DYTN: variants seen among roughly 807,000 people sequenced by gnomAD.
DYTN encodes dystrotelin.
In DYTN, 75 loss-of-function variants were observed where a neutral mutation model predicts 69.6. That is an observed-to-expected ratio of 1.08 (90% CI 0.89 to 1.31). The LOEUF (loss-of-function observed/expected upper bound fraction) is 1.31, where lower values mean the gene tolerates loss of function less well. Among genes scored for constraint, DYTN ranks in the 50% most tolerant of loss-of-function variants. The pLI is 0.00. For missense variants in DYTN, 726 were observed against 688.4 expected (o/e 1.05, Z -0.61); for synonymous variants, 252 against 249.1 (o/e 1.01, Z -0.11).
intron 7 of DYTN, 43 bp from the exon 8 acceptor site, chr2:206,694,920 G>GACA: frequency 1.3e-6 from 1 of 788,954 alleles, no homozygotes; most frequent in East Asian, 3.6e-5. Flanking sequence ...ACTAGTAGAT[G>GACA]AGAAAAAAAA....
At chr2:206,683,257 A>G (rs1325205826) in intron 9 of DYTN, among the ~76,000 whole-genome samples, 2 of 151,234 alleles carry the variant, frequency 1.3e-5, no homozygotes, top group South Asian at 2.1e-4. Context: ...CAATCCTCCA[A>G]TGTTTCCCCA....
Position 206,704,875 on chromosome 2 carries a change from C to A in DYTN, c.451G>T (p.Val151Phe). 6.2e-7 allele frequency: 1 copy of A among 1,613,612 alleles called. No homozygotes were observed. Among genetic ancestry groups the A allele is most frequent in the Non-Finnish European group, 8.5e-7 (1 of 1,179,792 alleles). The change falls in exon 5 of 12, where the codon GTT (valine) becomes TTT (phenylalanine). Residue 151 changes from valine (V) to phenylalanine (F), a missense_variant. Physicochemically the swap from Val to Phe is conservative, Grantham distance 50. Transcript: ENST00000452335. Reference protein sequence around the residue: ...YDSGPRMTRRVLRKLLTDLQQ... With the variant: ...YDSGPRMTRRFLRKLLTDLQQ... ...AGATCTGTTAGTAGTTTTCTCAAAA[C>A]CCTTCGAGTCATGCGTGGCCCAGAA... is the stretch of plus-strand genomic sequence containing the variant.
intron 9 of DYTN, among the ~76,000 whole-genome samples, chr2:206,672,450 T>C (rs772591337): frequency 4.6e-5 from 7 of 152,214 alleles, no homozygotes; most frequent in Admixed American, 6.5e-5. Flanking sequence ...TAGCTCCTTA[T>C]TTGTCCTCAT....
chr2:206,714,251 G>T (rs1183538488), intron 1 of DYTN, among the ~76,000 whole-genome samples: 3 of 152,152 alleles, frequency 2.0e-5, no homozygotes, highest in African/African-American at 7.2e-5. Flanking sequence ...CTGTCACCCA[G>T]GCTGGAGTGC....
intron 9 of DYTN, chr2:206,686,975 G>T: frequency 6.4e-6 from 1 of 157,016 alleles, no homozygotes. Flanking sequence ...AAATTCACCG[G>T]CCTTTGTCAA....
chr2:206,677,089 G>A (rs375128968), intron 9 of DYTN, among the ~76,000 whole-genome samples: 2 of 152,062 alleles, frequency 1.3e-5, no homozygotes, highest in Non-Finnish European at 2.9e-5. Flanking sequence ...TGGGATTACC[G>A]GAGTGTGCCA....
At chr2:206,717,897 C>A (rs2105904723) in intron 1 of DYTN, among the ~76,000 whole-genome samples, 1 of 152,250 alleles carries the variant, frequency 6.6e-6, no homozygotes, top group Non-Finnish European at 1.5e-5. Flanking sequence ...GTACTGTGAA[C>A]TTACCTATGA....
intron 7 of DYTN, among the ~76,000 whole-genome samples, chr2:206,696,810 A>G (rs1310072127): frequency 1.3e-5 from 2 of 152,180 alleles, no homozygotes; most frequent in African/African-American, 4.8e-5. Context: ...CACCATTACT[A>G]CTTATAGTAG....
chr2:206,660,062 A>G (rs911062007), intron 11 of DYTN, among the ~76,000 whole-genome samples: 2 of 152,166 alleles, frequency 1.3e-5, no homozygotes, highest in Non-Finnish European at 2.9e-5. Context: ...TCATAAGCAC[A>G]TTTATATAAT....
chr2:206,699,831 G>A lies in DYTN; in HGVS notation c.615C>T (p.Pro205=), dbSNP rs533246228. The change falls in exon 7 of 12, where the codon CCC becomes CCT. Residue 205 remains proline, a synonymous_variant. Transcript: ENST00000452335. Reference sequence around the variant, plus strand: ...GGCAGGTCGGGAGCCACAGGAGGATGGGAGGCTCAGATTGGACCCAAGACA... The same window carrying A: ...GGCAGGTCGGGAGCCACAGGAGGATAGGAGGCTCAGATTGGACCCAAGACA... The part of the protein sequence containing the change: ...KFLSWVQSEP[P]ILLWLPTCHR... The A allele has an allele frequency of 1.7e-4, 282 of 1,613,868 alleles. 2 individuals are homozygous for A. In the Admixed American group the frequency reaches 3.0e-3, roughly 17 times the overall value.
intron 9 of DYTN, among the ~76,000 whole-genome samples, chr2:206,682,135 T>A (rs1226554524): frequency 6.6e-6 from 1 of 152,064 alleles, no homozygotes; most frequent in African/African-American, 2.4e-5. Context: ...AATTTTTCCA[T>A]TTTTTTCTAG....
chr2:206,660,665 G>C (rs1699502411), intron 11 of DYTN, among the ~76,000 whole-genome samples: 1 of 152,198 alleles, frequency 6.6e-6, no homozygotes, highest in South Asian at 2.1e-4. Context: ...GTGGAATTTT[G>C]CGTCAGCTTA....
At chr2:206,661,271 A>G (rs975106610) in intron 11 of DYTN, among the ~76,000 whole-genome samples, 8 of 152,238 alleles carry the variant, frequency 5.3e-5, no homozygotes, top group African/African-American at 1.9e-4. Flanking sequence ...TTACTGTGTT[A>G]TAGCAGCCCC....
chr2:206,677,825 T>C (rs1699706922), intron 9 of DYTN, among the ~76,000 whole-genome samples: 1 of 152,050 alleles, frequency 6.6e-6, no homozygotes. Flanking sequence ...ACCCCGTCTC[T>C]ACTAAAAATA....
At chr2:206,680,458 T>G (rs1699738827) in intron 9 of DYTN, among the ~76,000 whole-genome samples, 1 of 152,292 alleles carries the variant, frequency 6.6e-6, no homozygotes, top group South Asian at 2.1e-4. Flanking sequence ...CAATATGTAT[T>G]TTAAATGTTT....
At chr2:206,711,979 C>A (rs1331332561) in intron 1 of DYTN, among the ~76,000 whole-genome samples, 1 of 146,362 alleles carries the variant, frequency 6.8e-6, no homozygotes. Context: ...AGTAGATCTC[C>A]CCATTTAGTC....
At chr2:206,664,492 A>G (rs914047060) in intron 10 of DYTN, among the ~76,000 whole-genome samples, 1 of 151,936 alleles carries the variant, frequency 6.6e-6, no homozygotes, top group Non-Finnish European at 1.5e-5. Context: ...CCCCCTCCCT[A>G]CAAAAAATAA....
chr2:206,673,507 C>T (rs767708677), intron 9 of DYTN, among the ~76,000 whole-genome samples: 1 of 152,178 alleles, frequency 6.6e-6, no homozygotes, highest in African/African-American at 2.4e-5. Context: ...CTGCCCACCT[C>T]GGCCTCCTAA....
chr2:206,690,755 A>G (rs1699854835), intron 9 of DYTN, among the ~76,000 whole-genome samples: 2 of 152,244 alleles, frequency 1.3e-5, no homozygotes, highest in Admixed American at 1.3e-4. Flanking sequence ...GAAGGCAGAC[A>G]TTAATCAGAT....
Sources: allele counts gnomAD v4.1 joint callset (sites outside exome capture counted in the v4.1 genomes callset), GRCh38; gene constraint gnomAD v4.1.1; transcripts MANE v1.5; gene names NCBI Gene and HGNC (gene_info 2026-07-23, HGNC 2026-07-21).